Variants in FOXP1 observed in about 807,000 individuals in gnomAD.
The protein encoded by FOXP1 is forkhead box P1, also known as forkhead box protein P1.
A neutral mutation model predicts 98.2 loss-of-function variants in FOXP1; 15 were observed. That is an observed-to-expected ratio of 0.15 (90% CI 0.10 to 0.24). The LOEUF is 0.24. Ranked by LOEUF, FOXP1 falls within the 10% of genes least tolerant of loss-of-function variation. The pLI is 1.00. For missense variants in FOXP1, 633 were observed against 848.5 expected (o/e 0.75, Z 3.15); for synonymous variants, 371 against 314.5 (o/e 1.18, Z -1.90).
At chr3:71,577,879 T>C (rs1327872204) in intron 2 of FOXP1, among the ~76,000 whole-genome samples, 1 of 152,038 alleles carries the variant, frequency 6.6e-6, no homozygotes, top group Non-Finnish European at 1.5e-5. Flanking sequence ...TTTCTTGAGG[T>C]TATTTTCTTT....
intron 17 of FOXP1, among the ~76,000 whole-genome samples, chr3:70,976,204 C>G (rs2037482063): frequency 6.6e-6 from 1 of 151,864 alleles, no homozygotes. Context: ...GTGCATGCCA[C>G]CATGCCTGGC....
intron 5 of FOXP1, among the ~76,000 whole-genome samples, chr3:71,287,342 G>A (rs1384709268): frequency 1.3e-5 from 2 of 151,962 alleles, no homozygotes; most frequent in Non-Finnish European, 2.9e-5. Flanking sequence ...GTGGTGGCAT[G>A]TGCCTGTGGT....
intron 5 of FOXP1, among the ~76,000 whole-genome samples, chr3:71,295,108 G>A (rs1414812543): frequency 2.6e-5 from 4 of 152,110 alleles, no homozygotes; most frequent in Non-Finnish European, 2.9e-5. Context: ...ATGTGTGTAC[G>A]GGGGATCAGG....
At position 71,356,233 on chromosome 3, in the gene FOXP1, A is replaced by G. The variant is rs927671312; in HGVS notation, c.-73+2917T>C. Among the ~76,000 whole-genome samples the G allele has an allele frequency of 7.9e-5, 12 of 151,398 alleles. No individual in the cohort carries two copies. The East Asian group carries it at 2.3e-3, about 30-fold the overall frequency. On this transcript the variant is annotated intron_variant, in intron 4 of 20. Transcript: ENST00000649528. ...TAAGTCAAAAAAAAAAAAAAAAAAA[A>G]AGGAATAAAAAAAGAACTGTATGCT... is the stretch of plus-strand genomic sequence containing the variant.
Position 70,956,766 on chromosome 3 carries a change from TTTTTTTTA to T in FOXP1, c.*2473_*2480del, listed in dbSNP as rs1327267274. ...TTTTTTTTTTTTTTTTTTTTTTTTT[TTTTTTTTA>T]AAGTCTTGCGTGACCACAGACTGCC... On this transcript the variant is annotated 3_prime_UTR_variant, in exon 21 of 21. Coordinates refer to ENST00000649528, the MANE Select transcript of FOXP1 (RefSeq NM_001349338.3). 1.6e-5 allele frequency: 3 copies of T among 190,536 alleles called. No homozygotes were observed. Among genetic ancestry groups the T allele is most frequent in the Non-Finnish European group, 2.0e-5 (2 of 100,972 alleles). The allele number at this position is 190,536 out of a possible 1,614,324, so 11.8% of individuals were successfully genotyped here. A position where few individuals can be genotyped will look rare whatever the true frequency, so the allele number is the denominator to read the frequency against.
At chr3:71,403,576 C>T (rs1037472069) in intron 3 of FOXP1, among the ~76,000 whole-genome samples, 1 of 152,210 alleles carries the variant, frequency 6.6e-6, no homozygotes, top group Admixed American at 6.5e-5. Flanking sequence ...GGCTTAGGCA[C>T]GGTGGCTCAT....
At chr3:70,994,603 A>G (rs1354859595) in intron 13 of FOXP1, among the ~76,000 whole-genome samples, 1 of 152,130 alleles carries the variant, frequency 6.6e-6, no homozygotes, top group Non-Finnish European at 1.5e-5. Flanking sequence ...TAGGTTGTGT[A>G]TTACGGGAAG....
chr3:70,987,766 A>G (rs1232203939), intron 14 of FOXP1, among the ~76,000 whole-genome samples: 1 of 152,202 alleles, frequency 6.6e-6, no homozygotes, highest in Non-Finnish European at 1.5e-5. Flanking sequence ...TGGGTGCTTG[A>G]GTCTTATGGG....
chr3:71,399,169 T>A (rs1312728178), intron 3 of FOXP1, among the ~76,000 whole-genome samples: 1 of 152,228 alleles, frequency 6.6e-6, no homozygotes, highest in Non-Finnish European at 1.5e-5. Flanking sequence ...TACGTGTGTC[T>A]ATGTGTGTAC....
intron 5 of FOXP1, among the ~76,000 whole-genome samples, chr3:71,211,706 C>T (rs1242344670): frequency 3.9e-5 from 6 of 152,162 alleles, no homozygotes; most frequent in Non-Finnish European, 7.4e-5. Flanking sequence ...TTTCTTTTCA[C>T]AACTCCTCCC....
chr3:71,271,554 C>T (rs748849967), intron 5 of FOXP1, among the ~76,000 whole-genome samples: 14 of 152,080 alleles, frequency 9.2e-5, no homozygotes, highest in Non-Finnish European at 1.6e-4. Flanking sequence ...CCAGAGCTGG[C>T]CAAAAAAGTA....
chr3:71,164,853 C>T (rs1576146479), intron 6 of FOXP1, among the ~76,000 whole-genome samples: 1 of 152,096 alleles, frequency 6.6e-6, no homozygotes, highest in African/African-American at 2.4e-5. Context: ...ATCCAATGTC[C>T]CCCCTCTTCC....
At chr3:71,276,606 TA>T (rs1327735846) in intron 5 of FOXP1, among the ~76,000 whole-genome samples, 2 of 152,184 alleles carry the variant, frequency 1.3e-5, no homozygotes, top group Non-Finnish European at 2.9e-5. Flanking sequence ...ATATCCTTTT[TA>T]AAATTTTATT....
At chr3:71,304,428 A>AT (rs2074104310) in intron 4 of FOXP1, among the ~76,000 whole-genome samples, 1 of 152,230 alleles carries the variant, frequency 6.6e-6, no homozygotes, top group African/African-American at 2.4e-5. Context: ...TTAGTGTGCA[A>AT]TAAGAGTTAA....
chr3:71,282,743 C>T (rs1004480386), intron 5 of FOXP1, among the ~76,000 whole-genome samples: 2 of 152,168 alleles, frequency 1.3e-5, no homozygotes, highest in African/African-American at 2.4e-5. Context: ...GTATCATCTT[C>T]ACAGCATTCC....
intron 7 of FOXP1, among the ~76,000 whole-genome samples, chr3:71,064,360 A>G (rs2052039769): frequency 6.6e-6 from 1 of 152,178 alleles, no homozygotes; most frequent in African/African-American, 2.4e-5. Context: ...GACAGAAATC[A>G]CACCCCAGAT....
chr3:70,988,189 T>C lies in FOXP1; in HGVS notation c.1063-112A>G, dbSNP rs973713902. 6 of 974,864 alleles carry C rather than the reference T, an allele frequency of 6.2e-6. No individual in the cohort carries two copies. In the African/African-American group the frequency reaches 6.4e-5, roughly 10 times the overall value. 60.4% of individuals were successfully genotyped at this position (974,864 alleles called of 1,614,324 possible). ...TATGGCACCACAGCACATGATAAAA[T>C]CATTTTCATTGCTTGTTTTTGAAAT... On this transcript the variant is annotated intron_variant, in intron 13 of 20. Coordinates refer to ENST00000649528, the MANE Select transcript of FOXP1 (RefSeq NM_001349338.3).
intron 12 of FOXP1, among the ~76,000 whole-genome samples, chr3:71,012,686 C>A (rs1321986622): frequency 6.6e-6 from 1 of 151,994 alleles, no homozygotes; most frequent in South Asian, 2.1e-4. Context: ...ATATTTGTAT[C>A]GGGTCCATAA....
intron 2 of FOXP1, among the ~76,000 whole-genome samples, chr3:71,495,091 C>T (rs879831786): frequency 6.6e-6 from 1 of 152,192 alleles, no homozygotes; most frequent in Admixed American, 6.5e-5. Context: ...CAATCCCAAA[C>T]TATAATCAAT....
Sources: gnomAD v4.1 joint callset for allele counts (sites outside exome capture counted in the v4.1 genomes callset) on GRCh38, gnomAD v4.1.1 for gene constraint, MANE v1.5 for transcripts, NCBI Gene and HGNC (gene_info 2026-07-23, HGNC 2026-07-21) for gene names.